BICD1: variants seen among roughly 807,000 people sequenced by gnomAD.
The protein encoded by BICD1 is BICD cargo adaptor 1, also known as protein bicaudal D homolog 1.
A neutral mutation model predicts 92.5 loss-of-function variants in BICD1; 35 were observed. That is an observed-to-expected ratio of 0.38 (90% CI 0.29 to 0.50). The LOEUF is 0.50. Ranked by LOEUF, BICD1 falls within the 20% of genes least tolerant of loss-of-function variation. The pLI is 0.93. For missense variants in BICD1, 950 were observed against 1,189.8 expected, an observed-to-expected ratio of 0.80 and a Z score of 2.97; for synonymous variants, 429 against 465.1, an observed-to-expected ratio of 0.92 and a Z score of 1.00.
intron 1 of BICD1, among the ~76,000 whole-genome samples, chr12:32,114,626 C>T (rs1055061084): frequency 2.0e-5 from 3 of 152,030 alleles, no homozygotes; most frequent in Non-Finnish European, 2.9e-5. Flanking sequence ...AAGGACAGTC[C>T]GCCTGTTTTG....
intron 1 of BICD1, among the ~76,000 whole-genome samples, chr12:32,211,788 G>A (rs1372418822): frequency 6.6e-6 from 1 of 152,148 alleles, no homozygotes; most frequent in Non-Finnish European, 1.5e-5. Flanking sequence ...TATATAGTGA[G>A]GGATCCTTTG....
chr12:32,196,555 A>T (rs946545518), intron 1 of BICD1, among the ~76,000 whole-genome samples: 3 of 152,232 alleles, frequency 2.0e-5, no homozygotes, highest in African/African-American at 7.2e-5. Context: ...GTTTTGTCTT[A>T]CTTATATGTA....
chr12:32,299,790 T>C (rs1176002889), intron 3 of BICD1, among the ~76,000 whole-genome samples: 1 of 152,140 alleles, frequency 6.6e-6, no homozygotes, highest in African/African-American at 2.4e-5. Context: ...CCTGCCTGGG[T>C]GACATAGCAA....
chr12:32,173,796 A>T (rs1199310164), intron 1 of BICD1, among the ~76,000 whole-genome samples: 2 of 152,226 alleles, frequency 1.3e-5, no homozygotes, highest in African/African-American at 4.8e-5. Context: ...TTCATCAAAC[A>T]CTTCTCTAAG....
intron 1 of BICD1, among the ~76,000 whole-genome samples, chr12:32,181,152 G>A (rs1944261187): frequency 6.6e-6 from 1 of 151,832 alleles, no homozygotes; most frequent in African/African-American, 2.4e-5. Flanking sequence ...GGGCAGAGTG[G>A]CTCACACCTG....
intron 2 of BICD1, among the ~76,000 whole-genome samples, chr12:32,222,304 G>C (rs1259587405): frequency 6.6e-6 from 1 of 152,204 alleles, no homozygotes; most frequent in African/African-American, 2.4e-5. Context: ...ATAATTTAAA[G>C]TGAAAATAAC....
chr12:32,223,139 T>G (rs942953919), intron 2 of BICD1, among the ~76,000 whole-genome samples: 2 of 152,206 alleles, frequency 1.3e-5, no homozygotes, highest in Non-Finnish European at 2.9e-5. Flanking sequence ...GGAGATGGCT[T>G]CTTTCCTTCG....
At chr12:32,235,747 C>T (rs1377854820) in intron 2 of BICD1, among the ~76,000 whole-genome samples, 1 of 149,510 alleles carries the variant, frequency 6.7e-6, no homozygotes, top group Non-Finnish European at 1.5e-5. Context: ...GCCACCCAGG[C>T]TGGAGTGCAG....
chr12:32,201,012 G>T (rs1944891693), intron 1 of BICD1, among the ~76,000 whole-genome samples: 1 of 152,124 alleles, frequency 6.6e-6, no homozygotes, highest in Non-Finnish European at 1.5e-5. Context: ...AGGTCATGTT[G>T]GTAACTCCAT....
intron 3 of BICD1, among the ~76,000 whole-genome samples, chr12:32,301,620 A>G (rs1209451315): frequency 2.8e-5 from 3 of 105,730 alleles, no homozygotes; most frequent in Non-Finnish European, 5.7e-5. Flanking sequence ...CTACAAAAAG[A>G]AAAAAAAAGC....
At chr12:32,114,703 G>A (rs956348915) in intron 1 of BICD1, among the ~76,000 whole-genome samples, 1 of 152,038 alleles carries the variant, frequency 6.6e-6, no homozygotes, top group Non-Finnish European at 1.5e-5. Flanking sequence ...TTGTGCAATT[G>A]GTTGTTATTT....
intron 3 of BICD1, among the ~76,000 whole-genome samples, chr12:32,298,819 G>A (rs28514337): frequency 0.14 from 20,490 of 145,562 alleles, 1,949 homozygotes; most frequent in African/African-American, 0.27. Flanking sequence ...GCAGTGAGCC[G>A]AGATCATGCC....
chr12:32,287,969 C>T (rs1249771036), intron 2 of BICD1, among the ~76,000 whole-genome samples: 1 of 152,194 alleles, frequency 6.6e-6, no homozygotes. Context: ...GCAGGCTGGG[C>T]CACATGGCTC....
Position 32,380,756 on chromosome 12 carries a change from A to G in BICD1, c.*3129A>G, listed in dbSNP as rs1940148940. ...CTTTGAGAAAAAGGAAAACTGTTAA[A>G]TAAGAAAAGACCTATTTAGAAATTA... On this transcript the variant is annotated 3_prime_UTR_variant, in exon 10 of 10. Transcript: ENST00000652176. The G allele has an allele frequency of 6.6e-6, 1 of 152,186 alleles. No homozygotes were observed. The highest frequency in any genetic ancestry group is 2.4e-5 in the African/African-American group (1 of 41,460). 9.4% of individuals were successfully genotyped at this position (152,186 alleles called of 1,614,324 possible).
chr12:32,181,303 C>T (rs758274394), intron 1 of BICD1, among the ~76,000 whole-genome samples: 1 of 151,610 alleles, frequency 6.6e-6, no homozygotes, highest in Non-Finnish European at 1.5e-5. Flanking sequence ...GCCTGTAATC[C>T]TAGCCACCGG....
At chr12:32,346,558 ATATATATATATATATATATATATACGTG>A (rs1938589910) in intron 8 of BICD1, among the ~76,000 whole-genome samples, 6 of 22,090 alleles carry the variant, frequency 2.7e-4, no homozygotes, top group South Asian at 2.3e-3. Context: ...ATATATATAT[ATATATATATATATATATATATATACGTG>A]TATATATATA....
At chr12:32,133,845 G>A (rs1382582589) in intron 1 of BICD1, among the ~76,000 whole-genome samples, 3 of 148,902 alleles carry the variant, frequency 2.0e-5, no homozygotes, top group African/African-American at 5.0e-5. Flanking sequence ...GCAGTGGTAC[G>A]ATCTCTGATC....
At chr12:32,332,491 AAGCACCGTCCATCT>A in intron 5 of BICD1, 5 of 960,356 alleles carry the variant, frequency 5.2e-6, no homozygotes, top group Non-Finnish European at 6.2e-6. Context: ...AATGCTTATG[AAGCACCGTCCATCT>A]AGCACTGTGC....
chr12:32,116,510 C>CTCTCTCTCTCTCTATA (rs1233964108), intron 1 of BICD1, among the ~76,000 whole-genome samples: 1 of 104,374 alleles, frequency 9.6e-6, no homozygotes, highest in Non-Finnish European at 1.9e-5. Flanking sequence ...CTCTCTCTCT[C>CTCTCTCTCTCTCTATA]TATATATATA....
Sources: gnomAD v4.1 joint callset for allele counts (sites outside exome capture counted in the v4.1 genomes callset) on GRCh38, gnomAD v4.1.1 for gene constraint, MANE v1.5 for transcripts, NCBI Gene and HGNC (gene_info 2026-07-23, HGNC 2026-07-21) for gene names.